TSHZ2: variants seen among roughly 807,000 people sequenced by gnomAD.
The protein encoded by TSHZ2 is teashirt zinc finger homeobox 2.
In TSHZ2, 21 loss-of-function variants were observed where a neutral mutation model predicts 74.4. The ratio of observed to expected loss-of-function variants is 0.28; its 90% CI spans 0.20 to 0.41. TSHZ2 has a LOEUF of 0.41. TSHZ2 is among the 10% of genes least tolerant of loss of function. The probability of loss-of-function intolerance (pLI) is 1.00; values close to 1 mark genes in which losing one functional copy is unlikely to be tolerated. For missense variants in TSHZ2, 1,244 were observed against 1,293.5 expected (o/e 0.96, Z 0.59); for synonymous variants, 540 against 515.3 (o/e 1.05, Z -0.65).
chr20:53,377,928 G>T (rs1367582171), intron 2 of TSHZ2, among the ~76,000 whole-genome samples: 3 of 152,146 alleles, frequency 2.0e-5, no homozygotes, highest in Admixed American at 6.5e-5. Context: ...TTAGATGCTT[G>T]TCTCAAGGTC....
chr20:53,275,742 A>G (rs1024442838), intron 2 of TSHZ2, among the ~76,000 whole-genome samples: 3 of 152,190 alleles, frequency 2.0e-5, no homozygotes, highest in Non-Finnish European at 2.9e-5. Flanking sequence ...AGTCTGACCA[A>G]CATGGAGAAA....
chr20:53,437,477 G>GAAAGA lies in TSHZ2; in HGVS notation c.*9-49648_*9-49644dup, dbSNP rs113738835. On this transcript the variant is annotated intron_variant, in intron 2 of 2. Coordinates refer to ENST00000371497, the MANE Select transcript of TSHZ2 (RefSeq NM_173485.6). Reference sequence around the variant, plus strand: ...GTCAGAGCAAGACTCCATCTAAAAGGAAAGAAAAGAAAAGAAAAGAAAAAA... The same window carrying GAAAGA: ...GTCAGAGCAAGACTCCATCTAAAAGGAAAGAAAAGAAAAGAAAAGAAAAGAAAAAA... Among the ~76,000 whole-genome samples the GAAAGA allele has an allele frequency of 8.0e-3, 1,220 of 151,854 alleles. 9 individuals are homozygous for GAAAGA. Among genetic ancestry groups the GAAAGA allele is most frequent in the South Asian group, 0.036 (173 of 4,800 alleles).
At chr20:53,103,692 G>A (rs1159023992) in intron 1 of TSHZ2, among the ~76,000 whole-genome samples, 2 of 152,128 alleles carry the variant, frequency 1.3e-5, no homozygotes, top group Non-Finnish European at 2.9e-5. Flanking sequence ...AGTGTGACTT[G>A]CCCCTCACCA....
At chr20:53,026,180 C>A (rs1157432113) in intron 1 of TSHZ2, among the ~76,000 whole-genome samples, 2 of 152,016 alleles carry the variant, frequency 1.3e-5, no homozygotes, top group East Asian at 3.9e-4. Context: ...ATGAATGGAA[C>A]CATAACTGGA....
At chr20:53,168,216 G>C (rs919989004) in intron 1 of TSHZ2, among the ~76,000 whole-genome samples, 4 of 152,146 alleles carry the variant, frequency 2.6e-5, no homozygotes, top group Non-Finnish European at 5.9e-5. Context: ...TTTGCTGATG[G>C]AGGCTGTCCT....
Position 53,127,268 on chromosome 20 carries a change from C to T in TSHZ2, c.41-126231C>T, listed in dbSNP as rs903724405. The stretch of plus-strand genomic sequence containing the variant: ...ATATATTCAATGAGACAGAAAAGGA[C>T]GAAGCTCTCAGATGACTTACATTTG... On this transcript the variant is annotated intron_variant, in intron 1 of 2. Coordinates refer to ENST00000371497, the MANE Select transcript of TSHZ2 (RefSeq NM_173485.6). 3.9e-5 allele frequency among the ~76,000 whole-genome samples: 6 copies of T among 152,174 alleles called. No individual in the cohort carries two copies. In the East Asian group the frequency reaches 1.2e-3, roughly 29 times the overall value.
chr20:53,333,542 G>A (rs574977906), intron 2 of TSHZ2, among the ~76,000 whole-genome samples: 29 of 151,632 alleles, frequency 1.9e-4, no homozygotes, highest in South Asian at 8.3e-4. Flanking sequence ...TGCAAGCTCC[G>A]CCTCCCGGGT....
intron 1 of TSHZ2, among the ~76,000 whole-genome samples, chr20:53,012,359 C>T (rs1262426003): frequency 2.0e-5 from 3 of 152,128 alleles, no homozygotes; most frequent in East Asian, 3.9e-4. Context: ...TCCATCTCCT[C>T]GCTACTCAGA....
At chr20:53,477,971 C>T (rs1410867983) in intron 2 of TSHZ2, among the ~76,000 whole-genome samples, 1 of 143,806 alleles carries the variant, frequency 7.0e-6, no homozygotes, top group Non-Finnish European at 1.5e-5. Flanking sequence ...GATACTATCT[C>T]ACACTAGTTA....
At chr20:53,308,987 G>C (rs572730531) in intron 2 of TSHZ2, among the ~76,000 whole-genome samples, 1 of 152,192 alleles carries the variant, frequency 6.6e-6, no homozygotes, top group Admixed American at 6.5e-5. Context: ...GAGAACTCAG[G>C]GGGCAAAAGA....
chr20:53,436,712 A>C (rs1184879078), intron 2 of TSHZ2, among the ~76,000 whole-genome samples: 1 of 147,328 alleles, frequency 6.8e-6, no homozygotes. Flanking sequence ...CGTCCGGCTA[A>C]TTTTTTTTTT....
At chr20:53,067,390 G>A (rs1985025653) in intron 1 of TSHZ2, among the ~76,000 whole-genome samples, 1 of 152,184 alleles carries the variant, frequency 6.6e-6, no homozygotes, top group Admixed American at 6.5e-5. Context: ...TAATTCTAAT[G>A]TCACTTGCAG....
chr20:53,439,787 G>GTT (rs1277250863), intron 2 of TSHZ2, among the ~76,000 whole-genome samples: 1 of 152,170 alleles, frequency 6.6e-6, no homozygotes, highest in Non-Finnish European at 1.5e-5. Context: ...TGTTTCAGTG[G>GTT]TAGCTTGGTG....
intron 2 of TSHZ2, among the ~76,000 whole-genome samples, chr20:53,409,036 T>G (rs1351743577): frequency 2.0e-5 from 3 of 152,230 alleles, no homozygotes; most frequent in African/African-American, 7.2e-5. Flanking sequence ...GTGCACTGTT[T>G]GATCATCTGT....
rs549191348 is a variant in TSHZ2 at position 53,449,804 on chromosome 20, G to A, written c.*9-37340G>A. 2.6e-5 allele frequency among the ~76,000 whole-genome samples: 4 copies of A among 152,290 alleles called. No individual in the cohort carries two copies. The South Asian group carries it at 6.2e-4, about 24-fold the overall frequency. On this transcript the variant is annotated intron_variant, in intron 2 of 2. Transcript: ENST00000371497. Reference sequence around the variant, plus strand: ...GTCTGCTTCTCCCACCATTAAGAGTGTCCCAATGCTATTATTTATGTACAC... The same window carrying A: ...GTCTGCTTCTCCCACCATTAAGAGTATCCCAATGCTATTATTTATGTACAC...
chr20:53,343,053 G>A (rs994273148), intron 2 of TSHZ2, among the ~76,000 whole-genome samples: 5 of 126,310 alleles, frequency 4.0e-5, no homozygotes, highest in African/African-American at 9.0e-5. Context: ...TGCAATCTCC[G>A]CCTCCCGGGT....
chr20:53,457,238 C>G (rs549184659), intron 2 of TSHZ2, among the ~76,000 whole-genome samples: 1 of 145,948 alleles, frequency 6.9e-6, no homozygotes, highest in African/African-American at 2.6e-5. Context: ...TTTCTTTGAG[C>G]AGCAGTTTGT....
intron 1 of TSHZ2, among the ~76,000 whole-genome samples, chr20:53,249,621 T>C (rs1990280007): frequency 6.6e-6 from 1 of 152,094 alleles, no homozygotes. Context: ...CAAAGAACTT[T>C]TCGGTCAGAA....
chr20:53,418,043 G>T (rs941157180), intron 2 of TSHZ2, among the ~76,000 whole-genome samples: 1 of 152,154 alleles, frequency 6.6e-6, no homozygotes, highest in Non-Finnish European at 1.5e-5. Flanking sequence ...AGTGTTTGAC[G>T]CCATAAGAGT....
Sources: allele counts gnomAD v4.1 joint callset (sites outside exome capture counted in the v4.1 genomes callset), GRCh38; gene constraint gnomAD v4.1.1; transcripts MANE v1.5; gene names NCBI Gene and HGNC (gene_info 2026-07-23, HGNC 2026-07-21).